The following NYAP2 variants were observed in gnomAD, a reference collection of about 807,000 sequenced individuals.
NYAP2 encodes the protein neuronal tyrosine-phosphorylated phosphoinositide-3-kinase adaptor 2.
NYAP2 carries 23 observed loss-of-function variants against 50.4 expected under a neutral mutation model. That is an observed-to-expected ratio of 0.46 (90% confidence interval 0.33 to 0.65). NYAP2 has a LOEUF of 0.65. Ranked by LOEUF, NYAP2 falls within the 30% of genes least tolerant of loss-of-function variation. The pLI is 0.02. For missense variants in NYAP2, 885 were observed against 861.0 expected (o/e 1.03, Z -0.35); for synonymous variants, 394 against 365.2 (o/e 1.08, Z -0.90).
At chr2:225,630,073 T>C (rs976709501) in intron 6 of NYAP2, among the ~76,000 whole-genome samples, 26 of 151,984 alleles carry the variant, frequency 1.7e-4, no homozygotes, top group African/African-American at 6.3e-4. Flanking sequence ...ACCAGGAAGA[T>C]GAAGAAAAAA....
Position 225,620,008 on chromosome 2 carries a change from G to A in NYAP2, c.1619-6909G>A, listed in dbSNP as rs144715768. On this transcript the variant is annotated intron_variant, in intron 5 of 6. Coordinates refer to ENST00000636099, the Ensembl canonical transcript of NYAP2. ...AGGATAGGTGCGTTCTATGCAGTTGGCACCGTGAGCTACATGCTGGGGCTG... is the reference window on the plus strand; with the variant it reads ...AGGATAGGTGCGTTCTATGCAGTTGACACCGTGAGCTACATGCTGGGGCTG... Among the ~76,000 whole-genome samples, 3 of 152,242 alleles carry A rather than the reference G, an allele frequency of 2.0e-5. No homozygotes were observed. The East Asian group carries it at 5.8e-4, about 29-fold the overall frequency.
the NYAP2 span, among the ~76,000 whole-genome samples, chr2:225,689,208 T>C: frequency 1.3e-5 from 2 of 152,204 alleles, no homozygotes; most frequent in Non-Finnish European, 2.9e-5. Context: ...GACATCACTA[T>C]AGATTGAAGC....
At chr2:225,501,188 C>T (rs1690600104) in intron 3 of NYAP2, among the ~76,000 whole-genome samples, 2 of 152,196 alleles carry the variant, frequency 1.3e-5, no homozygotes, top group African/African-American at 4.8e-5. Flanking sequence ...TGTGTTCTCC[C>T]TCTAGGTCCA....
At chr2:225,453,330 G>T (rs1326392667) in intron 3 of NYAP2, among the ~76,000 whole-genome samples, 1 of 152,096 alleles carries the variant, frequency 6.6e-6, no homozygotes, top group Non-Finnish European at 1.5e-5. Context: ...CTCAGACTCT[G>T]CTCACAAATT....
intron 3 of NYAP2, among the ~76,000 whole-genome samples, chr2:225,432,385 ATT>A (rs1689282266): frequency 6.6e-6 from 1 of 150,662 alleles, no homozygotes; most frequent in African/African-American, 2.4e-5. Context: ...ATATGTTCAG[ATT>A]TGATAGAAAA....
intron 5 of NYAP2, among the ~76,000 whole-genome samples, chr2:225,623,326 C>G (rs1243872266): frequency 6.6e-6 from 1 of 152,162 alleles, no homozygotes; most frequent in African/African-American, 2.4e-5. Flanking sequence ...TGCAACCTAA[C>G]TTAGTATGTA....
chr2:225,597,512 A>AATATATATATATATATATATATATACAT, intron 5 of NYAP2, among the ~76,000 whole-genome samples: 1 of 46,220 alleles, frequency 2.2e-5, no homozygotes, highest in Non-Finnish European at 4.8e-5. Context: ...TCCAAGGAGA[A>AATATATATATATATATATATATATACAT]ATATATATAT....
chr2:225,412,053 C>G (rs1338606536), intron 3 of NYAP2, among the ~76,000 whole-genome samples: 2 of 149,994 alleles, frequency 1.3e-5, no homozygotes, highest in East Asian at 3.9e-4. Flanking sequence ...ACCTCTGCCT[C>G]CCAGGTTCAA....
the NYAP2 span, among the ~76,000 whole-genome samples, chr2:225,691,122 A>G: frequency 1.3e-5 from 2 of 152,134 alleles, no homozygotes; most frequent in South Asian, 4.1e-4. Context: ...TTTTTCAGAT[A>G]GTTTATGCAT....
chr2:225,417,320 A>C (rs941554986), intron 3 of NYAP2, among the ~76,000 whole-genome samples: 1 of 152,184 alleles, frequency 6.6e-6, no homozygotes, highest in African/African-American at 2.4e-5. Flanking sequence ...TTCATTATAC[A>C]TGTGTGGGTT....
the NYAP2 span, among the ~76,000 whole-genome samples, chr2:225,675,110 G>A: frequency 6.6e-6 from 1 of 152,002 alleles, no homozygotes; most frequent in Non-Finnish European, 1.5e-5. Flanking sequence ...TTGTTTATTA[G>A]TGGTAAAAGA....
At position 225,651,624 on chromosome 2, in the gene NYAP2, C is replaced by T; in HGVS notation, c.*59C>T. 3 of 1,591,588 alleles carry T rather than the reference C, an allele frequency of 1.9e-6. No individual in the cohort carries two copies. The South Asian group carries it at 3.4e-5, about 18-fold the overall frequency. ...CCTCTGTCTGTCCTGTTGCTGTAGA[C>T]AACTTTCGCATTTGCTTTTATTTTT... On this transcript the variant is annotated 3_prime_UTR_variant, in exon 7 of 7. Coordinates refer to ENST00000636099, the Ensembl canonical transcript of NYAP2.
intron 3 of NYAP2, among the ~76,000 whole-genome samples, chr2:225,421,318 G>C (rs950078949): frequency 1.3e-5 from 2 of 152,106 alleles, no homozygotes; most frequent in African/African-American, 4.8e-5. Flanking sequence ...ATTTGTTTTT[G>C]AGATGAGTGA....
chr2:225,405,004 G>A (rs1333809751), intron 2 of NYAP2, among the ~76,000 whole-genome samples: 3 of 152,030 alleles, frequency 2.0e-5, no homozygotes, highest in Non-Finnish European at 4.4e-5. Context: ...TGCACTACTT[G>A]TATCAACATT....
chr2:225,626,027 G>T (rs1231319876), intron 5 of NYAP2, among the ~76,000 whole-genome samples: 1 of 152,186 alleles, frequency 6.6e-6, no homozygotes, highest in Non-Finnish European at 1.5e-5. Context: ...CTGACTGATA[G>T]ATTTGGGCAT....
chr2:225,688,480 G>C, the NYAP2 span, among the ~76,000 whole-genome samples: 1 of 152,016 alleles, frequency 6.6e-6, no homozygotes, highest in African/African-American at 2.4e-5. Context: ...ATTAATAATG[G>C]AGTCCCTGTC....
chr2:225,405,196 G>A (rs1694919717), intron 2 of NYAP2, among the ~76,000 whole-genome samples: 1 of 151,978 alleles, frequency 6.6e-6, no homozygotes, highest in African/African-American at 2.4e-5. Flanking sequence ...CTGTAGAAAA[G>A]CCAGAGTTCC....
intron 5 of NYAP2, among the ~76,000 whole-genome samples, chr2:225,620,387 G>T (rs1011768085): frequency 1.3e-5 from 2 of 150,396 alleles, no homozygotes; most frequent in Non-Finnish European, 3.0e-5. Context: ...GCACCCACAC[G>T]CACGCACGCA....
intron 6 of NYAP2, among the ~76,000 whole-genome samples, chr2:225,648,151 C>A (rs932084474): frequency 6.6e-6 from 1 of 152,124 alleles, no homozygotes; most frequent in African/African-American, 2.4e-5. Flanking sequence ...CAGGCATCCG[C>A]CACCACGCCC....
Sources: gnomAD v4.1 joint callset for allele counts (sites outside exome capture counted in the v4.1 genomes callset) on GRCh38, gnomAD v4.1.1 for gene constraint, MANE v1.5 for transcripts, NCBI Gene and HGNC (gene_info 2026-07-23, HGNC 2026-07-21) for gene names.